The following PCDH9 variants were observed in gnomAD, a reference collection of about 807,000 sequenced individuals.
PCDH9 encodes protocadherin 9.
A neutral mutation model predicts 70.6 loss-of-function variants in PCDH9; 24 were observed. The observed-to-expected ratio is 0.34, with a 90% CI of 0.25 to 0.48. The LOEUF (loss-of-function observed/expected upper bound fraction) is 0.48, where lower values mean the gene tolerates loss of function less well. Among genes scored for constraint, PCDH9 ranks in the 20% least tolerant of loss-of-function variants. The pLI is 0.99. For synonymous variants in PCDH9, 562 were observed against 558.5 expected, an observed-to-expected ratio of 1.01 and a Z score of -0.09; for missense variants, 1,281 against 1,503.6, an observed-to-expected ratio of 0.85 and a Z score of 2.45.
Position 67,225,760 on chromosome 13 carries a change from TC to T in PCDH9, c.2680del (p.Asp894MetfsTer11). ...FVTIEESKPD[D>X]AVHEPINGTI... ...CCCATTGATAGGTTCATGAACTGCA[TC>T]ATCGGGTTTGGACTCTTCGATAGTA... On this transcript the variant is annotated frameshift_variant, in exon 2 of 5. Coordinates refer to ENST00000377865, the MANE Select transcript of PCDH9 (RefSeq NM_203487.3). LOFTEE classifies it high-confidence loss of function. 6.2e-7 allele frequency: 1 copy of T among 1,614,158 alleles called. No homozygotes were observed. The highest frequency in any genetic ancestry group is 1.3e-5 in the African/African-American group (1 of 75,054).
chr13:66,708,197 C>G (rs3933244), intron 3 of PCDH9, among the ~76,000 whole-genome samples: 33,645 of 150,624 alleles, frequency 0.22, 4,474 homozygotes, highest in South Asian at 0.36. Context: ...CTACAGGCGC[C>G]CGCCACTACG....
Position 66,894,874 on chromosome 13 carries a change from C to T in PCDH9, c.3138+8630G>A, listed in dbSNP as rs187278522. Among the ~76,000 whole-genome samples the T allele has an allele frequency of 1.2e-3, 179 of 151,816 alleles. 1 individual carries two copies. The highest frequency in any genetic ancestry group is 1.0e-3 in the Non-Finnish European group (71 of 67,958). On this transcript the variant is annotated intron_variant, in intron 3 of 4. Transcript: ENST00000377865. Reference sequence around the variant, plus strand: ...CCAGGCTGGAGTGCAGTGGCACGATCTCAGCTTACTGCAACCTCCGACTCC... The same window carrying T: ...CCAGGCTGGAGTGCAGTGGCACGATTTCAGCTTACTGCAACCTCCGACTCC...
At chr13:66,690,629 C>T (rs1282448701) in intron 3 of PCDH9, among the ~76,000 whole-genome samples, 1 of 152,158 alleles carries the variant, frequency 6.6e-6, no homozygotes, top group African/African-American at 2.4e-5. Flanking sequence ...TTTTAAAAGT[C>T]ACTTAAACTG....
chr13:66,976,665 A>T (rs2083626751), intron 2 of PCDH9, among the ~76,000 whole-genome samples: 1 of 152,246 alleles, frequency 6.6e-6, no homozygotes, highest in African/African-American at 2.4e-5. Flanking sequence ...TAGAGCTAGG[A>T]TCAGAACAAG....
At chr13:66,760,275 C>T (rs1044695847) in intron 3 of PCDH9, among the ~76,000 whole-genome samples, 1 of 152,040 alleles carries the variant, frequency 6.6e-6, no homozygotes, top group African/African-American at 2.4e-5. Context: ...GCCTTCAGGA[C>T]CCTATATTTG....
chr13:66,532,587 G>A (rs1283631897), intron 4 of PCDH9, among the ~76,000 whole-genome samples: 2 of 152,010 alleles, frequency 1.3e-5, no homozygotes, highest in Non-Finnish European at 2.9e-5. Flanking sequence ...TCTGTCACTA[G>A]ACTGGAGTGC....
chr13:66,970,644 CAA>C lies in PCDH9; in HGVS notation c.3037-67041_3037-67040del, dbSNP rs67043290. Among the ~76,000 whole-genome samples, 401 of 116,968 alleles carry C rather than the reference CAA, an allele frequency of 3.4e-3. 1 individual carries two copies. Among genetic ancestry groups the C allele is most frequent in the Middle Eastern group, 4.6e-3 (1 of 218 alleles). 76.7% of individuals were successfully genotyped at this position (116,968 alleles called of 152,430 possible). On this transcript the variant is annotated intron_variant, in intron 2 of 4. Coordinates refer to ENST00000377865, the MANE Select transcript of PCDH9 (RefSeq NM_203487.3). ...CCTGTCTGAAAAAAAAAAAAAAAAG[CAA>C]AAAAAAAAAAAATGCTTAGCCCCCA...
intron 3 of PCDH9, among the ~76,000 whole-genome samples, chr13:66,704,226 A>T (rs1566516654): frequency 6.6e-6 from 1 of 152,210 alleles, no homozygotes; most frequent in Non-Finnish European, 1.5e-5. Flanking sequence ...AAAATTTGAT[A>T]TGTTCAATTA....
rs540427000 is a variant in PCDH9, at chr13:66,963,732, T to A, written c.3037-60127A>T. ...ACCCTCTTCATGTGAACACTCCAAA[T>A]ATTCATTATTCTTCTTTCGGGATAT... On this transcript the variant is annotated intron_variant, in intron 2 of 4. Coordinates refer to ENST00000377865, the MANE Select transcript of PCDH9 (RefSeq NM_203487.3). Among the ~76,000 whole-genome samples the A allele has an allele frequency of 1.6e-3, 246 of 152,298 alleles. 1 individual carries two copies. The highest frequency in any genetic ancestry group is 3.2e-3 in the Non-Finnish European group (217 of 68,012).
chr13:66,825,334 C>T (rs375235430), intron 3 of PCDH9: 18 of 103,856 alleles, frequency 1.7e-4, no homozygotes, highest in South Asian at 6.5e-4. Context: ...GTTATAAAAA[C>T]TTTTTTTTTT....
intron 3 of PCDH9, among the ~76,000 whole-genome samples, chr13:66,737,470 A>C (rs540251058): frequency 6.6e-6 from 1 of 152,318 alleles, no homozygotes; most frequent in Admixed American, 6.5e-5. Context: ...ATGTAAATTA[A>C]AATTTGGAAG....
chr13:66,712,516 AAAAACT>A (rs2078808833), intron 3 of PCDH9, among the ~76,000 whole-genome samples: 1 of 152,192 alleles, frequency 6.6e-6, no homozygotes, highest in African/African-American at 2.4e-5. Flanking sequence ...AAAATTTAAA[AAAAACT>A]AAAACATGTA....
intron 3 of PCDH9, among the ~76,000 whole-genome samples, chr13:66,734,420 TG>T (rs1396062341): frequency 1.3e-5 from 2 of 152,194 alleles, no homozygotes; most frequent in African/African-American, 2.4e-5. Flanking sequence ...AAACAGTAAT[TG>T]TGAGCTTCGT....
chr13:66,547,929 T>C (rs1961285793), intron 4 of PCDH9, among the ~76,000 whole-genome samples: 2 of 147,612 alleles, frequency 1.4e-5, no homozygotes, highest in Admixed American at 6.8e-5. Flanking sequence ...TCATATTATA[T>C]AATAATATAT....
chr13:67,101,719 C>G (rs1421502961), intron 2 of PCDH9, among the ~76,000 whole-genome samples: 1 of 150,086 alleles, frequency 6.7e-6, no homozygotes, highest in African/African-American at 2.5e-5. Context: ...GAATAATCTA[C>G]TGATTTTTAA....
At chr13:66,617,495 C>A (rs2077370501) in intron 4 of PCDH9, among the ~76,000 whole-genome samples, 1 of 152,166 alleles carries the variant, frequency 6.6e-6, no homozygotes, top group East Asian at 1.9e-4. Context: ...ACAGGACACT[C>A]CCCTCAGATG....
At chr13:66,502,980 A>G (rs550359478) in intron 4 of PCDH9, among the ~76,000 whole-genome samples, 2 of 152,332 alleles carry the variant, frequency 1.3e-5, no homozygotes, top group East Asian at 3.9e-4. Flanking sequence ...AAAACAATAT[A>G]GGCATGGTCC....
chr13:66,684,547 A>T (rs1489379343), intron 3 of PCDH9, among the ~76,000 whole-genome samples: 1 of 152,162 alleles, frequency 6.6e-6, no homozygotes, highest in Non-Finnish European at 1.5e-5. Context: ...TGATGGTTTT[A>T]TAAGGGGCTT....
At chr13:66,873,299 T>G (rs2081732200) in intron 3 of PCDH9, among the ~76,000 whole-genome samples, 2 of 152,340 alleles carry the variant, frequency 1.3e-5, no homozygotes, top group African/African-American at 4.8e-5. Context: ...ATAGGGGGAA[T>G]GACATTTTTA....
Sources: allele counts gnomAD v4.1 joint callset (sites outside exome capture counted in the v4.1 genomes callset), GRCh38; gene constraint gnomAD v4.1.1; transcripts MANE v1.5; gene names NCBI Gene and HGNC (gene_info 2026-07-23, HGNC 2026-07-21).